The following DEUP1 variants were observed in gnomAD, a reference collection of about 807,000 sequenced individuals.
DEUP1 encodes the protein coiled-coil domain containing 67.
Under a neutral mutation model 87.4 loss-of-function variants are expected in DEUP1, and 82 were observed. That is an observed-to-expected ratio of 0.94 (90% confidence interval 0.78 to 1.13). DEUP1 has a LOEUF of 1.13. Among genes scored for constraint, DEUP1 ranks in the 50% most tolerant of loss-of-function variants. The pLI, the probability that DEUP1 is intolerant of heterozygous loss-of-function variation, is 0.00. For missense variants in DEUP1, 663 were observed against 681.5 expected (o/e 0.97, Z 0.30); for synonymous variants, 214 against 222.7 (o/e 0.96, Z 0.35).
In DEUP1 at chr11:93,373,595, G is replaced by A. The variant is rs868789077; in HGVS notation, c.789+2315G>A. Among the ~76,000 whole-genome samples the A allele has an allele frequency of 1.1e-3, 121 of 111,066 alleles. 1 individual carries two copies. Among genetic ancestry groups the A allele is most frequent in the Admixed American group, 5.4e-3 (59 of 10,868 alleles). The allele number at this position is 111,066 out of a possible 152,430, so 72.9% of individuals were successfully genotyped here. On this transcript the variant is annotated intron_variant, in intron 7 of 13. Transcript: ENST00000298050. ...CATATATATATACATATATATATAC[G>A]TATATATATTTATATATGTATATAT...
At position 93,433,240 on chromosome 11, in the gene DEUP1, AAG is replaced by A. The variant is rs143173707; in HGVS notation, c.1639-4300_1639-4299del. 9.0e-3 allele frequency among the ~76,000 whole-genome samples: 1,369 copies of A among 152,348 alleles called. 18 individuals are homozygous for A. The highest frequency in any genetic ancestry group is 0.031 in the African/African-American group (1,290 of 41,574). ...AGAACCTGATGAATCAGAAATAAGTAAGAGGCCAGGAGCTGTGGCTCACACCT... is the reference window on the plus strand; with the variant it reads ...AGAACCTGATGAATCAGAAATAAGTAAGGCCAGGAGCTGTGGCTCACACCT... On this transcript the variant is annotated intron_variant, in intron 13 of 13. Coordinates refer to ENST00000298050, the MANE Select transcript of DEUP1 (RefSeq NM_181645.4).
At chr11:93,364,829 T>C (rs768034191) in intron 5 of DEUP1, among the ~76,000 whole-genome samples, 35 of 152,078 alleles carry the variant, frequency 2.3e-4, no homozygotes, top group Admixed American at 5.2e-4. Context: ...ATATCTACTA[T>C]GTACCCACAA....
At chr11:93,398,772 G>A (rs1947019724) in intron 11 of DEUP1, among the ~76,000 whole-genome samples, 1 of 150,108 alleles carries the variant, frequency 6.7e-6, no homozygotes, top group East Asian at 2.0e-4. Context: ...CCAGGCTGGA[G>A]TGCAGCGGCA....
intron 7 of DEUP1, among the ~76,000 whole-genome samples, chr11:93,373,210 CCTT>C (rs1304026705): frequency 1.3e-5 from 2 of 152,044 alleles, no homozygotes; most frequent in African/African-American, 4.8e-5. Flanking sequence ...CTGCTTTGTC[CCTT>C]CTTCTTTTGG....
intron 11 of DEUP1, among the ~76,000 whole-genome samples, chr11:93,403,170 A>G (rs1947174998): frequency 6.6e-6 from 1 of 151,976 alleles, no homozygotes; most frequent in Non-Finnish European, 1.5e-5. Context: ...CTGTGTGTAT[A>G]AATGAGATTT....
intron 4 of DEUP1, among the ~76,000 whole-genome samples, chr11:93,362,753 T>C (rs1221267132): frequency 6.6e-6 from 1 of 151,918 alleles, no homozygotes; most frequent in Non-Finnish European, 1.5e-5. Flanking sequence ...ATGTAACTGT[T>C]CACAGTAGCA....
rs761348194 is a variant in DEUP1 at position 93,371,322 on chromosome 11, G to T, written c.789+42G>T. On this transcript the variant is annotated intron_variant, in intron 7 of 13. Transcript: ENST00000298050. ...TTTCAACTAATATTGTCCATGACTT[G>T]TATAAATGGTAACACATATAGAGAT... The T allele has an allele frequency of 3.2e-6, 5 of 1,566,742 alleles. No individual in the cohort carries two copies. The African/African-American group carries it at 6.8e-5, about 21-fold the overall frequency.
At chr11:93,376,921 A>C (rs1195229448) in intron 7 of DEUP1, among the ~76,000 whole-genome samples, 2 of 152,142 alleles carry the variant, frequency 1.3e-5, no homozygotes, top group East Asian at 1.9e-4. Context: ...ATGTATTTGC[A>C]TGGTTTTAAG....
chr11:93,433,962 A>C (rs925866715), intron 13 of DEUP1, among the ~76,000 whole-genome samples: 3 of 152,162 alleles, frequency 2.0e-5, no homozygotes, highest in African/African-American at 7.2e-5. Context: ...GAGGGACTGC[A>C]GCCTCCCAGG....
chr11:93,417,673 A>C (rs200665039), intron 13 of DEUP1, among the ~76,000 whole-genome samples: 2 of 125,700 alleles, frequency 1.6e-5, no homozygotes, highest in African/African-American at 3.1e-5. Context: ...AGAATTGTAA[A>C]AAACTACTTT....
intron 2 of DEUP1, among the ~76,000 whole-genome samples, chr11:93,354,217 C>G (rs191365181): frequency 2.0e-5 from 3 of 152,262 alleles, no homozygotes; most frequent in South Asian, 2.1e-4. Context: ...AAAAATGCCT[C>G]CAGTCTCTTT....
At chr11:93,335,639 A>G (rs1327646022) in intron 2 of DEUP1, among the ~76,000 whole-genome samples, 1 of 152,242 alleles carries the variant, frequency 6.6e-6, no homozygotes, top group African/African-American at 2.4e-5. Flanking sequence ...ACATTATAAA[A>G]TATAGCACAA....
At chr11:93,386,242 G>A (rs974695193) in intron 8 of DEUP1, among the ~76,000 whole-genome samples, 1 of 151,834 alleles carries the variant, frequency 6.6e-6, no homozygotes, top group African/African-American at 2.4e-5. Flanking sequence ...TCCATTGAGG[G>A]TTCTTCTTAA....
intron 13 of DEUP1, among the ~76,000 whole-genome samples, chr11:93,428,582 A>T (rs1324184612): frequency 1.3e-5 from 2 of 152,142 alleles, no homozygotes; most frequent in Non-Finnish European, 2.9e-5. Context: ...GTACCCTAAA[A>T]CTTAAAGTAT....
At chr11:93,335,453 G>C (rs1430676387) in intron 2 of DEUP1, among the ~76,000 whole-genome samples, 1 of 152,136 alleles carries the variant, frequency 6.6e-6, no homozygotes, top group African/African-American at 2.4e-5. Flanking sequence ...TTCAAGTACA[G>C]TTACATTAAT....
chr11:93,363,421 G>A (rs1413425971), intron 4 of DEUP1, among the ~76,000 whole-genome samples: 1 of 151,756 alleles, frequency 6.6e-6, no homozygotes, highest in Admixed American at 6.6e-5. Flanking sequence ...TAAATATTGG[G>A]GGAAACTGGG....
chr11:93,338,926 T>C (rs1178137438), intron 2 of DEUP1, among the ~76,000 whole-genome samples: 4 of 152,012 alleles, frequency 2.6e-5, no homozygotes, highest in African/African-American at 4.8e-5. Flanking sequence ...ACACTTGGGG[T>C]ATTGAGGACT....
intron 8 of DEUP1, among the ~76,000 whole-genome samples, chr11:93,387,479 A>G (rs1275041397): frequency 1.3e-5 from 2 of 151,954 alleles, no homozygotes; most frequent in African/African-American, 4.8e-5. Context: ...CCCTGGGTTG[A>G]TATGTTCTGA....
chr11:93,341,255 A>C (rs1168608984), intron 2 of DEUP1, among the ~76,000 whole-genome samples: 1 of 47,466 alleles, frequency 2.1e-5, no homozygotes, highest in Non-Finnish European at 5.3e-5. Context: ...CTGTCTCTAC[A>C]AAAAAAAAAA....
Sources: allele counts gnomAD v4.1 joint callset (sites outside exome capture counted in the v4.1 genomes callset), GRCh38; gene constraint gnomAD v4.1.1; transcripts MANE v1.5; gene names NCBI Gene and HGNC (gene_info 2026-07-23, HGNC 2026-07-21).